TEX11: variants seen among roughly 807,000 people sequenced by gnomAD.
TEX11 encodes the protein testis-expressed protein 11.
A neutral mutation model predicts 84.4 loss-of-function variants in TEX11; 7 were observed. That is an observed-to-expected ratio of 0.08 (90% CI 0.05 to 0.16). The LOEUF (loss-of-function observed/expected upper bound fraction) is 0.16, where lower values mean the gene tolerates loss of function less well. Ranked by LOEUF, TEX11 falls within the 10% of genes least tolerant of loss-of-function variation. The probability of loss-of-function intolerance (pLI) is 1.00; values close to 1 mark genes in which losing one functional copy is unlikely to be tolerated. For missense variants in TEX11, 551 were observed against 660.5 expected, an observed-to-expected ratio of 0.83 and a Z score of 1.82; for synonymous variants, 264 against 222.8, an observed-to-expected ratio of 1.18 and a Z score of -1.64.
intron 17 of TEX11, among the ~76,000 whole-genome samples, chrX:70,641,923 C>G (rs976252761): frequency 9.0e-6 from 1 of 111,024 alleles, no homozygotes; most frequent in Non-Finnish European, 1.9e-5. Context: ...AAGATCAGAG[C>G]AGAACTGAAG....
intron 25 of TEX11, among the ~76,000 whole-genome samples, chrX:70,575,717 G>C (rs2088664865): frequency 8.9e-6 from 1 of 111,944 alleles, no homozygotes; most frequent in Admixed American, 9.5e-5. Context: ...TACAGCAGCA[G>C]AAACAGACTA....
At chrX:70,592,337 T>G (rs2088943481) in intron 24 of TEX11, among the ~76,000 whole-genome samples, 2 of 111,502 alleles carry the variant, frequency 1.8e-5, no homozygotes, top group South Asian at 7.7e-4. Flanking sequence ...CTACTTTAGG[T>G]GGGTGTGGCC....
chrX:70,559,101 C>A (rs914613414), intron 25 of TEX11, among the ~76,000 whole-genome samples: 1 of 112,007 alleles, frequency 8.9e-6, no homozygotes, highest in African/African-American at 3.2e-5. Flanking sequence ...TAGGTCCACA[C>A]AAAAACTTGT....
intron 17 of TEX11, among the ~76,000 whole-genome samples, chrX:70,631,224 C>T (rs1324228388): frequency 9.0e-6 from 1 of 111,207 alleles, no homozygotes; most frequent in Non-Finnish European, 1.9e-5. Context: ...AAATATTTAC[C>T]AAGAAAAACA....
chrX:70,797,377 G>A (rs766519335), intron 9 of TEX11, among the ~76,000 whole-genome samples: 1 of 111,571 alleles, frequency 9.0e-6, no homozygotes, highest in South Asian at 3.8e-4. Context: ...ATGTTAAGGT[G>A]ACTGAATCAG....
intron 25 of TEX11, among the ~76,000 whole-genome samples, 171 bp downstream of exon 25, chrX:70,591,580 G>T (rs2088930763): frequency 9.0e-6 from 1 of 110,770 alleles, no homozygotes; most frequent in Non-Finnish European, 1.9e-5. Flanking sequence ...TCCAGCCTGG[G>T]TGACACAGTG....
intron 13 of TEX11, among the ~76,000 whole-genome samples, chrX:70,718,772 G>A (rs1049225902): frequency 9.0e-6 from 1 of 111,474 alleles, no homozygotes; most frequent in African/African-American, 3.3e-5. Context: ...CCTTTCCCAG[G>A]GTAACTGGCA....
intron 10 of TEX11, among the ~76,000 whole-genome samples, chrX:70,743,528 G>A (rs761422894): frequency 6.9e-4 from 77 of 111,311 alleles, no homozygotes; most frequent in Non-Finnish European, 5.7e-5. Flanking sequence ...ATCCAAGCAC[G>A]TTCTGTCTGG....
intron 13 of TEX11, among the ~76,000 whole-genome samples, chrX:70,684,476 C>T (rs977976112): frequency 2.7e-5 from 3 of 111,368 alleles, no homozygotes; most frequent in Non-Finnish European, 5.7e-5. Flanking sequence ...ATCTCAGCTA[C>T]TCAGGAGGCT....
intron 24 of TEX11, 119 bp downstream of exon 24, chrX:70,605,282 C>T (rs186694646): frequency 1.0e-3 from 450 of 437,276 alleles, no homozygotes; most frequent in Non-Finnish European, 1.5e-3. Context: ...GAAATCAAGA[C>T]GATGCTGGAG....
chrX:70,529,792 C>A (rs770013429), intron 29 of TEX11, 43 bp downstream of exon 29: 1 of 1,153,697 alleles, frequency 8.7e-7, no homozygotes, highest in East Asian at 3.1e-5. Flanking sequence ...TAACCTCTTG[C>A]CCCCTAGGTC....
intron 25 of TEX11, among the ~76,000 whole-genome samples, chrX:70,569,130 T>C (rs60066866): frequency 0.017 from 1,852 of 111,531 alleles, 38 homozygotes; most frequent in African/African-American, 0.057. Flanking sequence ...TCTCTAAACT[T>C]CCCTTCTTGC....
At chrX:70,840,508 C>A (rs1253707404) in intron 7 of TEX11, among the ~76,000 whole-genome samples, 1 of 112,042 alleles carries the variant, frequency 8.9e-6, no homozygotes, top group South Asian at 3.7e-4. Flanking sequence ...ACAACTGGTA[C>A]CAGCCACTGC....
intron 13 of TEX11, among the ~76,000 whole-genome samples, chrX:70,700,354 T>C (rs757285447): frequency 8.9e-5 from 10 of 111,939 alleles, no homozygotes; most frequent in Non-Finnish European, 1.5e-4. Context: ...AGGTACCATT[T>C]TTCCAACAGC....
At chrX:70,622,512 C>T (rs1185499402) in intron 20 of TEX11, among the ~76,000 whole-genome samples, 1 of 111,720 alleles carries the variant, frequency 9.0e-6, no homozygotes, top group Non-Finnish European at 1.9e-5. Context: ...TTATAAATAA[C>T]TAATATTCAG....
chrX:70,761,203 G>A (rs61167024), intron 9 of TEX11, among the ~76,000 whole-genome samples: 1,318 of 111,641 alleles, frequency 0.012, 15 homozygotes, highest in African/African-American at 0.04. Flanking sequence ...ACAGTGTGGC[G>A]ATTCCTCAAG....
At chrX:70,729,704 G>T (rs1311393507) in intron 11 of TEX11, among the ~76,000 whole-genome samples, 3 of 111,945 alleles carry the variant, frequency 2.7e-5, no homozygotes, top group African/African-American at 9.8e-5. Flanking sequence ...GAAAGTGACA[G>T]GGAGAATGGA....
At chrX:70,875,476 C>T (rs2091650907) in intron 3 of TEX11, among the ~76,000 whole-genome samples, 1 of 109,182 alleles carries the variant, frequency 9.2e-6, no homozygotes. Flanking sequence ...TGGTGGCTCA[C>T]GCCTGTAATC....
chrX:70,713,867 C>A (rs1268862262), intron 13 of TEX11, among the ~76,000 whole-genome samples: 5 of 111,285 alleles, frequency 4.5e-5, no homozygotes, highest in African/African-American at 1.3e-4. Context: ...TTCTCTAGTT[C>A]TTTTAATTGT....
Sources: allele counts gnomAD v4.1 joint callset (sites outside exome capture counted in the v4.1 genomes callset), GRCh38; gene constraint gnomAD v4.1.1; transcripts MANE v1.5; gene names NCBI Gene and HGNC (gene_info 2026-07-23, HGNC 2026-07-21).